Variants in PRKN observed in about 807,000 individuals in gnomAD.
PRKN encodes E3 ubiquitin-protein ligase parkin.
A neutral mutation model predicts 59.5 loss-of-function variants in PRKN; 56 were observed. The ratio of observed to expected loss-of-function variants is 0.94; its 90% CI spans 0.76 to 1.18. The LOEUF (loss-of-function observed/expected upper bound fraction) is 1.18, where lower values mean the gene tolerates loss of function less well. Ranked by LOEUF, PRKN falls within the 50% of genes most tolerant of loss-of-function variation. The pLI is 0.00. For synonymous variants in PRKN, 250 were observed against 222.1 expected, an observed-to-expected ratio of 1.13 and a Z score of -1.12; for missense variants, 657 against 596.4, an observed-to-expected ratio of 1.10 and a Z score of -1.06.
At chr6:161,786,158 G>C (rs1790413048) in intron 6 of PRKN, among the ~76,000 whole-genome samples, 1 of 152,120 alleles carries the variant, frequency 6.6e-6, no homozygotes, top group African/African-American at 2.4e-5. Context: ...TCAATCTTTT[G>C]ATTAAACCTG....
intron 4 of PRKN, among the ~76,000 whole-genome samples, chr6:162,071,499 GT>G (rs11329583): frequency 0.83 from 125,596 of 151,950 alleles, 52,057 homozygotes; most frequent in Admixed American, 0.88. Context: ...TTCTCCAAAA[GT>G]TCCAATAGGA....
chr6:162,598,602 C>A (rs1345910360), intron 1 of PRKN, among the ~76,000 whole-genome samples: 2 of 151,962 alleles, frequency 1.3e-5, no homozygotes, highest in African/African-American at 4.8e-5. Flanking sequence ...CCTGTAAACC[C>A]AGAACTTTGG....
At position 161,548,169 on chromosome 6, in the gene PRKN, A is replaced by G. The variant is rs147387829; in HGVS notation, c.1083+685T>C. Among the ~76,000 whole-genome samples, 71 of 152,312 alleles carry G rather than the reference A, an allele frequency of 4.7e-4. No individual in the cohort carries two copies. In the Middle Eastern group the frequency reaches 0.01, roughly 22 times the overall value. Reference sequence around the variant, plus strand: ...CATGAAATTTAATATCAGGATTATTATCCATTTGTCATTTTAACCTATAAT... The same window carrying G: ...CATGAAATTTAATATCAGGATTATTGTCCATTTGTCATTTTAACCTATAAT... On this transcript the variant is annotated intron_variant, in intron 9 of 11. Coordinates refer to ENST00000366898, the MANE Select transcript of PRKN (RefSeq NM_004562.3). This position sits in a 1 kb window ranked among gnomAD's most constrained non-coding sequence, Gnocchi z 4.2.
chr6:162,016,307 C>A (rs114960144), intron 5 of PRKN, among the ~76,000 whole-genome samples: 52 of 152,192 alleles, frequency 3.4e-4, no homozygotes, highest in African/African-American at 1.2e-3. Context: ...TAGAAAATTA[C>A]TGAGCATTTT....
At chr6:161,506,787 G>A (rs1270018593) in intron 9 of PRKN, among the ~76,000 whole-genome samples, 2 of 152,238 alleles carry the variant, frequency 1.3e-5, no homozygotes, top group Admixed American at 1.3e-4. Context: ...ACAGATAAGT[G>A]TGATATGGCT....
chr6:162,224,575 G>T (rs929563229), intron 3 of PRKN, among the ~76,000 whole-genome samples: 3 of 152,168 alleles, frequency 2.0e-5, no homozygotes, highest in Non-Finnish European at 2.9e-5. Flanking sequence ...TGGAGAAAAA[G>T]CTTGATGCGT....
chr6:161,799,576 A>G (rs1273046613), intron 6 of PRKN, among the ~76,000 whole-genome samples: 1 of 152,248 alleles, frequency 6.6e-6, no homozygotes, highest in Non-Finnish European at 1.5e-5. Context: ...CAAATAGGAC[A>G]AAGAACATAT....
At chr6:162,587,351 G>C (rs1781105887) in intron 1 of PRKN, among the ~76,000 whole-genome samples, 1 of 152,074 alleles carries the variant, frequency 6.6e-6, no homozygotes, top group South Asian at 2.1e-4. Flanking sequence ...GGCCAGGCTG[G>C]TCTCGAACTC....
chr6:162,514,999 A>G (rs1039276130), intron 1 of PRKN, among the ~76,000 whole-genome samples: 6 of 152,184 alleles, frequency 3.9e-5, no homozygotes, highest in African/African-American at 1.4e-4. Flanking sequence ...GAATTATTCT[A>G]GACAACTAGA....
At chr6:162,046,956 GAA>G (rs1369732467) in intron 5 of PRKN, among the ~76,000 whole-genome samples, 1 of 151,054 alleles carries the variant, frequency 6.6e-6, no homozygotes, top group Non-Finnish European at 1.5e-5. Context: ...ACTTGGTTTA[GAA>G]ATAAGCTGTC....
chr6:162,282,800 AC>A (rs567637372), intron 2 of PRKN, among the ~76,000 whole-genome samples: 1 of 152,182 alleles, frequency 6.6e-6, no homozygotes, highest in Non-Finnish European at 1.5e-5. Flanking sequence ...CTTATTGGGT[AC>A]ACATAGCAAA....
rs187495098 is a variant in PRKN at position 161,432,574 on chromosome 6, G to A, written c.1084-45697C>T. Among the ~76,000 whole-genome samples, 17 of 147,840 alleles carry A rather than the reference G, an allele frequency of 1.1e-4. No homozygotes were observed. The East Asian group carries it at 3.3e-3, about 29-fold the overall frequency. The stretch of plus-strand genomic sequence containing the variant: ...TTTTTGTATTTTTAGTAGAGATGGG[G>A]TTTCACCATGTTGGCCAGGCTGGTC... On this transcript the variant is annotated intron_variant, in intron 9 of 11. Coordinates refer to ENST00000366898, the MANE Select transcript of PRKN (RefSeq NM_004562.3).
In PRKN at chr6:162,711,530, C is replaced by CCTTGTGCAAACAAT. The variant is rs141211401; in HGVS notation, c.7+16131_7+16132insATTGTTTGCACAAG. On this transcript the variant is annotated intron_variant, in intron 1 of 11. Transcript: ENST00000366898. ...CCCAAACGTGGCCCTTCCCCTCAGA[C>CCTTGTGCAAACAAT]CTGTGCAAACACAGATTGCTTCAAC... Among the ~76,000 whole-genome samples, 21 of 152,256 alleles carry CCTTGTGCAAACAAT rather than the reference C, an allele frequency of 1.4e-4. No individual in the cohort carries two copies. In the East Asian group the frequency reaches 3.7e-3, roughly 27 times the overall value.
chr6:161,445,169 C>T lies in PRKN; in HGVS notation c.1084-58292G>A, dbSNP rs994133853. Reference sequence around the variant, plus strand: ...AAAGCCGCGGCGCTGACACAGCTCCCCCTGCACGAGTGTACAGCAGTCAGA... The same window carrying T: ...AAAGCCGCGGCGCTGACACAGCTCCTCCTGCACGAGTGTACAGCAGTCAGA... On this transcript the variant is annotated intron_variant, in intron 9 of 11. Transcript: ENST00000366898. The surrounding 1 kb of genome is among the most constrained non-coding windows in gnomAD (Gnocchi z 7.7). 7.2e-5 allele frequency among the ~76,000 whole-genome samples: 11 copies of T among 152,124 alleles called. No homozygotes were observed. The highest frequency in any genetic ancestry group is 1.5e-4 in the Non-Finnish European group (10 of 68,026).
chr6:161,662,937 A>T (rs2128166152), intron 7 of PRKN, among the ~76,000 whole-genome samples: 1 of 152,318 alleles, frequency 6.6e-6, no homozygotes, highest in Middle Eastern at 3.4e-3. Context: ...TAGCTCCCAT[A>T]ATCCCCACAT....
intron 2 of PRKN, among the ~76,000 whole-genome samples, chr6:162,394,044 A>C (rs578027392): frequency 6.6e-6 from 1 of 152,282 alleles, no homozygotes; most frequent in Non-Finnish European, 1.5e-5. Flanking sequence ...AAAAGTATCC[A>C]AAATTTTTTT....
At chr6:161,490,308 T>C (rs1038317526) in intron 9 of PRKN, among the ~76,000 whole-genome samples, 12 of 143,424 alleles carry the variant, frequency 8.4e-5, no homozygotes, top group African/African-American at 3.1e-4. Flanking sequence ...TACTTTTCTT[T>C]CTTGCTTGCT....
chr6:161,875,383 G>A (rs1026694490), intron 6 of PRKN, among the ~76,000 whole-genome samples: 41 of 151,346 alleles, frequency 2.7e-4, no homozygotes, highest in African/African-American at 9.2e-4. Flanking sequence ...TTGTAGAGAC[G>A]GGGTTTCATC....
chr6:162,268,632 A>G (rs1298500579), intron 2 of PRKN, among the ~76,000 whole-genome samples: 1 of 152,208 alleles, frequency 6.6e-6, no homozygotes, highest in Non-Finnish European at 1.5e-5. Flanking sequence ...GTTGCTGTTG[A>G]TTCCACTTTA....
Sources: allele counts gnomAD v4.1 joint callset (sites outside exome capture counted in the v4.1 genomes callset), GRCh38; gene constraint gnomAD v4.1.1; non-coding constraint Gnocchi (gnomAD v3.1); transcripts MANE v1.5; gene names NCBI Gene and HGNC (gene_info 2026-07-23, HGNC 2026-07-21).